The following SV2C variants were observed in gnomAD, a reference collection of about 807,000 sequenced individuals.
The protein encoded by SV2C is synaptic vesicle glycoprotein 2C.
In SV2C, 49 loss-of-function variants were observed where a neutral mutation model predicts 79.7. The ratio of observed to expected loss-of-function variants is 0.61; its 90% CI spans 0.49 to 0.78. SV2C has a LOEUF of 0.78. SV2C is among the 30% of genes least tolerant of loss of function. The pLI, the probability that SV2C is intolerant of heterozygous loss-of-function variation, is 0.00. For synonymous variants in SV2C, 334 were observed against 333.2 expected (o/e 1.00, Z -0.03); for missense variants, 833 against 912.9 (o/e 0.91, Z 1.13).
the SV2C span, among the ~76,000 whole-genome samples, chr5:75,974,770 C>T: frequency 2.6e-5 from 4 of 152,068 alleles, no homozygotes; most frequent in East Asian, 3.9e-4. Context: ...ATACCTATAG[C>T]GTATAGGGTT....
chr5:75,857,190 A>C, the SV2C span, among the ~76,000 whole-genome samples: 4 of 151,880 alleles, frequency 2.6e-5, no homozygotes, highest in Non-Finnish European at 4.4e-5. Flanking sequence ...ATCTCCTGAC[A>C]TTGTGATCCG....
chr5:76,133,098 C>G (rs1748955186), intron 2 of SV2C, among the ~76,000 whole-genome samples: 1 of 152,130 alleles, frequency 6.6e-6, no homozygotes, highest in Admixed American at 6.5e-5. Flanking sequence ...ATAGTTAACA[C>G]TCTCCGAGTT....
chr5:75,970,510 G>A, the SV2C span, among the ~76,000 whole-genome samples: 17,636 of 151,988 alleles, frequency 0.12, 3,022 homozygotes, highest in African/African-American at 0.37. Flanking sequence ...CGATCCCACA[G>A]AAATACAAAC....
the SV2C span, among the ~76,000 whole-genome samples, chr5:75,852,828 A>AC: frequency 7.1e-6 from 1 of 140,854 alleles, no homozygotes; most frequent in African/African-American, 2.8e-5. Flanking sequence ...TCCGTCTCAA[A>AC]AAAAAAAAAA....
chr5:76,044,987 G>T, the SV2C span, among the ~76,000 whole-genome samples: 1 of 152,024 alleles, frequency 6.6e-6, no homozygotes, highest in African/African-American at 2.4e-5. Context: ...TGGAATCTTT[G>T]CCCCTGCCTA....
chr5:76,069,550 C>G, the SV2C span, among the ~76,000 whole-genome samples: 1 of 152,160 alleles, frequency 6.6e-6, no homozygotes, highest in Non-Finnish European at 1.5e-5. Context: ...GCAGCTTATC[C>G]CTCCACTTGT....
chr5:75,889,260 C>T, the SV2C span, among the ~76,000 whole-genome samples: 2 of 150,866 alleles, frequency 1.3e-5, no homozygotes, highest in African/African-American at 4.9e-5. Flanking sequence ...AGCCCCCCAC[C>T]CCCTGACAGG....
the SV2C span, among the ~76,000 whole-genome samples, chr5:75,885,344 C>T: frequency 6.6e-6 from 1 of 152,076 alleles, no homozygotes; most frequent in Non-Finnish European, 1.5e-5. Context: ...GAAATAGAGA[C>T]AGTATCTGCC....
chr5:76,234,337 A>C (rs974412272), intron 4 of SV2C, among the ~76,000 whole-genome samples: 3 of 152,210 alleles, frequency 2.0e-5, no homozygotes, highest in African/African-American at 7.2e-5. Flanking sequence ...GAAAAAAATT[A>C]TCACTCAAAT....
chr5:76,189,093 A>G (rs1261072620), intron 2 of SV2C, among the ~76,000 whole-genome samples: 1 of 152,152 alleles, frequency 6.6e-6, no homozygotes, highest in African/African-American at 2.4e-5. Flanking sequence ...CAAGCATTTG[A>G]CACAGGCGGA....
downstream of SV2C, chr5:76,334,087 CT>C (rs1749261090): frequency 6.6e-6 from 1 of 152,080 alleles, no homozygotes; most frequent in South Asian, 2.1e-4. Context: ...TTTCTGTGGG[CT>C]GGTGTCATGG....
intron 2 of SV2C, among the ~76,000 whole-genome samples, chr5:76,135,573 A>C (rs1476155034): frequency 2.0e-5 from 3 of 152,186 alleles, no homozygotes; most frequent in Admixed American, 1.3e-4. Context: ...GCTGGCAATT[A>C]AGAGTTATTG....
intron 4 of SV2C, among the ~76,000 whole-genome samples, chr5:76,280,710 C>T (rs958261076): frequency 4.6e-5 from 7 of 152,136 alleles, no homozygotes; most frequent in African/African-American, 1.7e-4. Context: ...GGGAGGCAGG[C>T]GTCAGGGGCC....
At chr5:75,925,100 C>A in the SV2C span, among the ~76,000 whole-genome samples, 1 of 152,280 alleles carries the variant, frequency 6.6e-6, no homozygotes, top group South Asian at 2.1e-4. Context: ...TCTGGTCCTA[C>A]CTCTTTCCTA....
chr5:76,022,261 C>T, the SV2C span, among the ~76,000 whole-genome samples: 1 of 152,318 alleles, frequency 6.6e-6, no homozygotes, highest in African/African-American at 2.4e-5. Context: ...AAAGTATCTT[C>T]CCAAGTACCT....
At chr5:76,213,012 AC>A (rs1744809510) in intron 4 of SV2C, among the ~76,000 whole-genome samples, 1 of 152,238 alleles carries the variant, frequency 6.6e-6, no homozygotes, top group South Asian at 2.1e-4. Context: ...ATGAAAAGTT[AC>A]AAAAAACAAT....
At chr5:75,965,047 G>A in the SV2C span, among the ~76,000 whole-genome samples, 1 of 152,168 alleles carries the variant, frequency 6.6e-6, no homozygotes, top group African/African-American at 2.4e-5. Flanking sequence ...TATTTAAGAT[G>A]ATAGTATTAG....
chr5:76,274,061 T>G (rs948536802), intron 4 of SV2C, among the ~76,000 whole-genome samples: 1 of 152,238 alleles, frequency 6.6e-6, no homozygotes, highest in Non-Finnish European at 1.5e-5. Context: ...AGACCTGTAT[T>G]GTCAGTGTTT....
At chr5:75,913,947 A>G in the SV2C span, among the ~76,000 whole-genome samples, 71 of 151,436 alleles carry the variant, frequency 4.7e-4, no homozygotes, top group African/African-American at 1.6e-3. Flanking sequence ...CAAATAGGCC[A>G]TAAATGAGAA....
Sources: allele counts gnomAD v4.1 joint callset (sites outside exome capture counted in the v4.1 genomes callset), GRCh38; gene constraint gnomAD v4.1.1; transcripts MANE v1.5; gene names NCBI Gene and HGNC (gene_info 2026-07-23, HGNC 2026-07-21).